TENM3: variants seen among roughly 807,000 people sequenced by gnomAD.
TENM3 encodes teneurin-3.
TENM3 carries 63 observed loss-of-function variants against 255.1 expected under a neutral mutation model. That is an observed-to-expected ratio of 0.25 (90% CI 0.20 to 0.30). The LOEUF is 0.30. Among genes scored for constraint, TENM3 ranks in the 10% least tolerant of loss-of-function variants. The pLI is 1.00. For missense variants in TENM3, 2,929 were observed against 3,461.1 expected (o/e 0.85, Z 3.86); for synonymous variants, 1,306 against 1,322.3 (o/e 0.99, Z 0.27).
At chr4:182,094,593 T>C in the TENM3 span, among the ~76,000 whole-genome samples, 1 of 152,104 alleles carries the variant, frequency 6.6e-6, no homozygotes, top group African/African-American at 2.4e-5. Context: ...CACATAGAAA[T>C]GAACAACAGA....
At chr4:182,070,352 C>T in the TENM3 span, among the ~76,000 whole-genome samples, 2 of 152,226 alleles carry the variant, frequency 1.3e-5, no homozygotes, top group Non-Finnish European at 2.9e-5. Context: ...GGTGCAGTGG[C>T]TCACACCTGT....
intron 1 of TENM3, among the ~76,000 whole-genome samples, chr4:182,176,053 TTTAG>T (rs2149714765): frequency 6.6e-6 from 1 of 152,310 alleles, no homozygotes; most frequent in South Asian, 2.1e-4. Flanking sequence ...TCGTTTATAG[TTTAG>T]TTAATGATTT....
At chr4:181,946,082 A>G in the TENM3 span, among the ~76,000 whole-genome samples, 1 of 152,272 alleles carries the variant, frequency 6.6e-6, no homozygotes, top group South Asian at 2.1e-4. Context: ...GTTTACGTGA[A>G]TGTCACCGAT....
chr4:182,090,945 C>G, the TENM3 span, among the ~76,000 whole-genome samples: 8 of 152,142 alleles, frequency 5.3e-5, no homozygotes, highest in Non-Finnish European at 8.8e-5. Context: ...TCTAAAATGG[C>G]ACTGTTATCC....
intron 3 of TENM3, among the ~76,000 whole-genome samples, chr4:182,468,219 C>G (rs1010750341): frequency 3.9e-5 from 6 of 152,014 alleles, no homozygotes; most frequent in Admixed American, 3.9e-4. Context: ...GAGACTGTCT[C>G]TACAAAAAAA....
chr4:182,260,666 T>C (rs1330177035), intron 1 of TENM3, among the ~76,000 whole-genome samples: 1 of 152,186 alleles, frequency 6.6e-6, no homozygotes, highest in African/African-American at 2.4e-5. Flanking sequence ...TTGTTTCTTA[T>C]TCATATGGTA....
At chr4:181,858,173 A>G in the TENM3 span, among the ~76,000 whole-genome samples, 1 of 152,262 alleles carries the variant, frequency 6.6e-6, no homozygotes, top group Non-Finnish European at 1.5e-5. Context: ...ATCACGGCTT[A>G]CTGCAGCAGC....
the TENM3 span, among the ~76,000 whole-genome samples, chr4:182,118,318 T>G: frequency 1.3e-5 from 2 of 152,296 alleles, no homozygotes; most frequent in East Asian, 1.9e-4. Flanking sequence ...TCAAGTACAA[T>G]GATGAAAAGC....
chr4:181,674,291 C>A, the TENM3 span, among the ~76,000 whole-genome samples: 1 of 152,138 alleles, frequency 6.6e-6, no homozygotes, highest in African/African-American at 2.4e-5. Context: ...AGCCACTGCA[C>A]CCAGCCTAGT....
chr4:181,709,592 T>C, the TENM3 span, among the ~76,000 whole-genome samples: 2 of 152,206 alleles, frequency 1.3e-5, no homozygotes. Flanking sequence ...TCATCAAGAA[T>C]ACCAGCATGG....
chr4:182,476,504 A>C (rs949998802), intron 3 of TENM3, among the ~76,000 whole-genome samples: 4 of 152,222 alleles, frequency 2.6e-5, no homozygotes, highest in African/African-American at 9.6e-5. Context: ...TAAGAGCATA[A>C]AATTTCAGCA....
intron 3 of TENM3, among the ~76,000 whole-genome samples, chr4:182,506,194 C>T (rs1417161213): frequency 6.6e-6 from 1 of 152,152 alleles, no homozygotes; most frequent in Non-Finnish European, 1.5e-5. Flanking sequence ...GTGCATATGA[C>T]CCCGAAACCA....
At chr4:182,476,435 A>G (rs1320573748) in intron 3 of TENM3, among the ~76,000 whole-genome samples, 2 of 152,160 alleles carry the variant, frequency 1.3e-5, no homozygotes, top group Non-Finnish European at 2.9e-5. Context: ...GGAGAAATGT[A>G]TATTTTTATT....
the TENM3 span, among the ~76,000 whole-genome samples, chr4:181,819,069 T>C: frequency 6.6e-6 from 1 of 152,176 alleles, no homozygotes; most frequent in Non-Finnish European, 1.5e-5. Flanking sequence ...CACTTGCCCA[T>C]GAAGGTGAGC....
intron 1 of TENM3, among the ~76,000 whole-genome samples, chr4:182,185,608 T>A (rs79528400): frequency 1.1e-4 from 16 of 152,296 alleles, no homozygotes; most frequent in Non-Finnish European, 2.1e-4. Flanking sequence ...TACAATTCCA[T>A]CATTACTCTT....
chr4:182,234,640 G>A lies in TENM3; in HGVS notation c.-75-89306G>A, dbSNP rs1756783452. On this transcript the variant is annotated intron_variant, in intron 1 of 2. Transcript: ENST00000512480. ...CCAGCTACTCGGGAGGCTGAGGCAGGAGAATCACTTGAACCTAGGAGGCGG... is the reference window on the plus strand; with the variant it reads ...CCAGCTACTCGGGAGGCTGAGGCAGAAGAATCACTTGAACCTAGGAGGCGG... Among the ~76,000 whole-genome samples the A allele has an allele frequency of 2.6e-5, 4 of 152,208 alleles. No homozygotes were observed. The South Asian group carries it at 8.3e-4, about 32-fold the overall frequency.
chr4:181,760,999 C>CACACACAA, the TENM3 span, among the ~76,000 whole-genome samples: 4 of 145,624 alleles, frequency 2.7e-5, no homozygotes, highest in South Asian at 2.2e-4. Context: ...CACACACACA[C>CACACACAA]ACACACACAC....
chr4:182,006,480 T>C, the TENM3 span, among the ~76,000 whole-genome samples: 6 of 152,200 alleles, frequency 3.9e-5, no homozygotes, highest in Non-Finnish European at 8.8e-5. Flanking sequence ...CAAGAATTTA[T>C]ACATTTCTTC....
chr4:182,368,750 T>C (rs1448191078), intron 3 of TENM3, among the ~76,000 whole-genome samples: 3 of 152,280 alleles, frequency 2.0e-5, no homozygotes, highest in East Asian at 1.9e-4. Context: ...TGCCCACGTA[T>C]ATACCCACGA....
Sources: gnomAD v4.1 joint callset for allele counts (sites outside exome capture counted in the v4.1 genomes callset) on GRCh38, gnomAD v4.1.1 for gene constraint, MANE v1.5 for transcripts, NCBI Gene and HGNC (gene_info 2026-07-23, HGNC 2026-07-21) for gene names.